ZNF333: variants seen among roughly 807,000 people sequenced by gnomAD.
The protein encoded by ZNF333 is zinc finger protein 333.
ZNF333 carries 61 observed loss-of-function variants against 76.1 expected under a neutral mutation model. The observed-to-expected ratio is 0.80, with a 90% CI of 0.65 to 0.99. ZNF333 has a LOEUF of 0.99. Among genes scored for constraint, ZNF333 ranks in the 50% least tolerant of loss-of-function variants. The pLI is 0.00. For missense variants in ZNF333, 717 were observed against 822.4 expected (o/e 0.87, Z 1.57); for synonymous variants, 284 against 305.0 (o/e 0.93, Z 0.72).
At chr19:14,706,846 C>G in intron 7 of ZNF333, 73 bp downstream of exon 7, 1 of 1,299,832 alleles carries the variant, frequency 7.7e-7, no homozygotes, top group South Asian at 1.3e-5. Flanking sequence ...GAACTTGTAT[C>G]CTATCCTGCC....
intron 5 of ZNF333, chr19:14,701,674 G>A (rs2041962611): frequency 2.0e-6 from 2 of 985,340 alleles, no homozygotes; most frequent in Non-Finnish European, 2.4e-6. Context: ...TCTCCTTTCA[G>A]TACAGGGCTC....
At chr19:14,695,175 T>C (rs1973087577) in intron 3 of ZNF333, 42 bp downstream of exon 3, 1 of 1,596,498 alleles carries the variant, frequency 6.3e-7, no homozygotes, top group South Asian at 1.1e-5. Context: ...ACGCAGGCAC[T>C]AAATGCTTCT....
chr19:14,720,756 T>C lies in ZNF333; in HGVS notation c.*1431T>C, dbSNP rs2042568571. The C allele has an allele frequency of 1.8e-5, 18 of 985,190 alleles. No individual in the cohort carries two copies. Among genetic ancestry groups the C allele is most frequent in the Non-Finnish European group, 2.0e-5 (17 of 829,864 alleles). The allele number at this position is 985,190 out of a possible 1,614,324, so 61.0% of individuals were successfully genotyped here. ...ATGTCTGCTAGATCAAGCAAATGTG[T>C]TTAAAAACCATCTACACATTTATAA... On this transcript the variant is annotated 3_prime_UTR_variant, in exon 12 of 12. Coordinates refer to ENST00000292530, the MANE Select transcript of ZNF333 (RefSeq NM_032433.4).
At chr19:14,728,371 C>G (rs903448993) in intron 11 of ZNF333, among the ~76,000 whole-genome samples, 2 of 152,188 alleles carry the variant, frequency 1.3e-5, no homozygotes, top group East Asian at 1.9e-4. Context: ...TGATGACAGT[C>G]TGTTTCTCTG....
intron 2 of ZNF333, 150 bp from the exon 3 acceptor site, chr19:14,694,860 C>A: frequency 7.9e-7 from 1 of 1,269,222 alleles, no homozygotes; most frequent in Non-Finnish European, 1.1e-6. Flanking sequence ...TGGCTGTGTG[C>A]CAAGAAAACA....
chr19:14,715,022 A>G (rs978067531), intron 7 of ZNF333: 5 of 161,584 alleles, frequency 3.1e-5, no homozygotes, highest in Non-Finnish European at 5.9e-5. Context: ...CTCTTGGGAT[A>G]TGGAATGAAG....
Position 14,720,718 on chromosome 19 carries a change from T to C in ZNF333, c.*1393T>C, listed in dbSNP as rs759285427. ...TTCATGGATGGTTGAAATCAATGTA[T>C]TGTATTCTACAAATGTCTGCTAGAT... On this transcript the variant is annotated 3_prime_UTR_variant, in exon 12 of 12. Coordinates refer to ENST00000292530, the MANE Select transcript of ZNF333 (RefSeq NM_032433.4). 1.2e-5 allele frequency: 12 copies of C among 985,334 alleles called. No individual in the cohort carries two copies. The highest frequency in any genetic ancestry group is 1.7e-5 in the African/African-American group (1 of 57,256). The allele number at this position is 985,334 out of a possible 1,614,324, so 61.0% of individuals were successfully genotyped here. A position where few individuals can be genotyped will look rare whatever the true frequency, so the allele number is the denominator to read the frequency against.
intron 7 of ZNF333, among the ~76,000 whole-genome samples, chr19:14,714,493 C>T (rs777489593): frequency 2.6e-5 from 4 of 152,158 alleles, no homozygotes; most frequent in Admixed American, 2.6e-4. Flanking sequence ...TCAGAGGAGG[C>T]GTGGCCCTGC....
At chr19:14,701,754 C>G (rs1043489102) in intron 5 of ZNF333, 3 of 985,440 alleles carry the variant, frequency 3.0e-6, no homozygotes, top group Non-Finnish European at 3.6e-6. Context: ...GAGTGGCAGG[C>G]ATGGGGCTCT....
chr19:14,692,479 C>T (rs1482377805), intron 1 of ZNF333, among the ~76,000 whole-genome samples: 3 of 151,938 alleles, frequency 2.0e-5, no homozygotes, highest in African/African-American at 7.3e-5. Context: ...GGAGGCAGGT[C>T]CCTGAAGATC....
intron 1 of ZNF333, among the ~76,000 whole-genome samples, chr19:14,692,835 T>C (rs1972874543): frequency 6.6e-6 from 1 of 151,420 alleles, no homozygotes; most frequent in South Asian, 2.1e-4. Context: ...TTTTTTTTTT[T>C]TTCTTGACAT....
chr19:14,715,157 T>G, intron 7 of ZNF333: 1 of 506,808 alleles, frequency 2.0e-6, no homozygotes, highest in Admixed American at 3.3e-5. Flanking sequence ...GTGTGCGTGT[T>G]TGTGTGTATA....
Position 14,730,393 on chromosome 19 carries a change from C to T in ZNF333, c.901-782C>T, listed in dbSNP as rs118067506. 8.3e-3 allele frequency among the ~76,000 whole-genome samples: 1,256 copies of T among 152,170 alleles called. 15 individuals are homozygous for T. The highest frequency in any genetic ancestry group is 0.013 in the Non-Finnish European group (850 of 68,000). On this transcript the variant is annotated intron_variant, in intron 11 of 11. Transcript: ENST00000540689. The stretch of plus-strand genomic sequence containing the variant: ...TCAGAATGTTCCACTTAGTTCTTCC[C>T]AGCCCCTTCTCTCTTATCCCACCAT...
chr19:14,731,965 A>G (rs1280728857), exon 12 of ZNF333: 4 of 152,178 alleles, frequency 2.6e-5, no homozygotes, highest in Non-Finnish European at 5.9e-5. Flanking sequence ...CACTTCTGCC[A>G]TGTCCTTAAA....
chr19:14,696,582 G>T (rs1223447768), intron 4 of ZNF333, among the ~76,000 whole-genome samples: 1 of 151,972 alleles, frequency 6.6e-6, no homozygotes, highest in Non-Finnish European at 1.5e-5. Context: ...TCTGGTAAGG[G>T]CCTTCTTGCA....
At position 14,718,939 on chromosome 19, in the gene ZNF333, A is replaced by T; in HGVS notation, c.1612A>T (p.Thr538Ser). ...HTGEKLYECATCGQVLSRLST... is the reference protein window; with the variant it reads ...HTGEKLYECASCGQVLSRLST... ...AGGGGAGAAACTGTATGAGTGCGCG[A>T]CTTGCGGTCAGGTCTTGAGTCGTCT... Residue 538 changes from threonine (T) to serine (S), a missense_variant, in exon 12 of 12, where the codon ACT becomes TCT. By Grantham distance (58) the Thr-to-Ser change is moderately conservative. Transcript: ENST00000292530. 1 of 1,613,380 alleles carries T rather than the reference A, an allele frequency of 6.2e-7. No individual in the cohort carries two copies. The highest frequency in any genetic ancestry group is 8.5e-7 in the Non-Finnish European group (1 of 1,179,820).
chr19:14,720,528 C>T lies in ZNF333; in HGVS notation c.*1203C>T. 1 of 985,416 alleles carries T rather than the reference C, an allele frequency of 1.0e-6. No homozygotes were observed. Among genetic ancestry groups the T allele is most frequent in the Non-Finnish European group, 1.2e-6 (1 of 829,924 alleles). The allele number at this position is 985,416 out of a possible 1,614,324, so 61.0% of individuals were successfully genotyped here. ...TAGAATTGGCATATTTATGTGATTG[C>T]AGCAGCCCTGGACTATTTATTTCTG... On this transcript the variant is annotated 3_prime_UTR_variant, in exon 12 of 12. Coordinates refer to ENST00000292530, the MANE Select transcript of ZNF333 (RefSeq NM_032433.4).
chr19:14,716,555 G>A (rs2147015963), intron 9 of ZNF333, among the ~76,000 whole-genome samples: 2 of 152,254 alleles, frequency 1.3e-5, no homozygotes, highest in South Asian at 4.1e-4. Flanking sequence ...CACTGTGCCT[G>A]GCCAAGGCTT....
intron 2 of ZNF333, among the ~76,000 whole-genome samples, chr19:14,694,535 T>C (rs992564004): frequency 6.6e-6 from 1 of 151,992 alleles, no homozygotes; most frequent in Non-Finnish European, 1.5e-5. Context: ...TTCACAAGTA[T>C]ATAATTAAGG....
Sources: allele counts gnomAD v4.1 joint callset (sites outside exome capture counted in the v4.1 genomes callset), GRCh38; gene constraint gnomAD v4.1.1; transcripts MANE v1.5; gene names NCBI Gene and HGNC (gene_info 2026-07-23, HGNC 2026-07-21).